Variants in DAB1 observed in about 807,000 individuals in gnomAD.
The protein encoded by DAB1 is disabled homolog 1.
In DAB1, 15 loss-of-function variants were observed where a neutral mutation model predicts 64.6. The ratio of observed to expected loss-of-function variants is 0.23; its 90% CI spans 0.16 to 0.36. The LOEUF is 0.36. Among genes scored for constraint, DAB1 ranks in the 10% least tolerant of loss-of-function variants. The pLI, the probability that DAB1 is intolerant of heterozygous loss-of-function variation, is 1.00. For synonymous variants in DAB1, 235 were observed against 251.9 expected, an observed-to-expected ratio of 0.93 and a Z score of 0.64; for missense variants, 596 against 706.7, an observed-to-expected ratio of 0.84 and a Z score of 1.78.
intron 3 of DAB1, among the ~76,000 whole-genome samples, chr1:58,490,361 A>G (rs1353903940): frequency 1.3e-5 from 2 of 152,236 alleles, no homozygotes; most frequent in Non-Finnish European, 2.9e-5. Context: ...GATGAAATTA[A>G]TGAAATGAAG....
At chr1:57,221,358 G>C (rs1367199628) in intron 2 of DAB1, among the ~76,000 whole-genome samples, 1 of 151,504 alleles carries the variant, frequency 6.6e-6, no homozygotes, top group African/African-American at 2.4e-5. Context: ...TAACAAACTT[G>C]CACGTTGTGC....
intron 1 of DAB1, among the ~76,000 whole-genome samples, chr1:57,317,858 A>T (rs1269999838): frequency 6.6e-6 from 1 of 151,934 alleles, no homozygotes; most frequent in Non-Finnish European, 1.5e-5. Flanking sequence ...CCTCAATGAG[A>T]TTTTATTTTC....
intron 4 of DAB1, among the ~76,000 whole-genome samples, chr1:58,312,027 C>T (rs1662442661): frequency 6.6e-6 from 1 of 152,180 alleles, no homozygotes; most frequent in South Asian, 2.1e-4. Flanking sequence ...CATCTAACCA[C>T]TTCCATGACC....
chr1:57,000,201 G>A (rs911682483), intron 14 of DAB1, among the ~76,000 whole-genome samples: 14 of 151,974 alleles, frequency 9.2e-5, no homozygotes, highest in Admixed American at 3.9e-4. Context: ...CCACCACCAC[G>A]CCCGGCTAAT....
chr1:58,480,060 A>G (rs1645458522), intron 3 of DAB1, among the ~76,000 whole-genome samples: 1 of 152,196 alleles, frequency 6.6e-6, no homozygotes, highest in African/African-American at 2.4e-5. Context: ...GAATACAAAT[A>G]TTAAATAACT....
In DAB1 at chr1:57,246,753, C is replaced by T. The variant is rs1317570211; in HGVS notation, c.67+44211G>A. ...GCTATATCCTGCAGCGCTCCAGGGG[C>T]AGAGCTGCCCAAGGCCATAGGAGCC... On this transcript the variant is annotated intron_variant, in intron 2 of 14. Transcript: ENST00000371236. Among the ~76,000 whole-genome samples, 3 of 152,230 alleles carry T rather than the reference C, an allele frequency of 2.0e-5. No homozygotes were observed. The East Asian group carries it at 5.8e-4, about 29-fold the overall frequency.
intron 3 of DAB1, among the ~76,000 whole-genome samples, chr1:58,426,772 G>C (rs1644825129): frequency 6.6e-6 from 1 of 152,144 alleles, no homozygotes; most frequent in Non-Finnish European, 1.5e-5. Context: ...CTAAAGATCT[G>C]ACAGTGAACA....
chr1:58,494,963 T>C (rs1263302305), intron 3 of DAB1, among the ~76,000 whole-genome samples: 1 of 152,168 alleles, frequency 6.6e-6, no homozygotes, highest in Admixed American at 6.5e-5. Context: ...TAAAGACACA[T>C]GCACACGTAT....
At chr1:58,488,852 C>G (rs1242404398) in intron 3 of DAB1, among the ~76,000 whole-genome samples, 1 of 152,240 alleles carries the variant, frequency 6.6e-6, no homozygotes, top group African/African-American at 2.4e-5. Flanking sequence ...TAGCTTAGCT[C>G]CCACTTATCA....
chr1:58,464,316 G>A (rs1272428327), intron 3 of DAB1, among the ~76,000 whole-genome samples: 1 of 152,192 alleles, frequency 6.6e-6, no homozygotes, highest in Non-Finnish European at 1.5e-5. Flanking sequence ...TATGCCCAGG[G>A]CATGTCAAGG....
chr1:58,062,296 G>T (rs1255998139), intron 5 of DAB1, among the ~76,000 whole-genome samples: 4 of 152,186 alleles, frequency 2.6e-5, no homozygotes, highest in African/African-American at 9.6e-5. Context: ...TACAGGGCTT[G>T]GTAGAGGTCA....
chr1:57,507,228 A>G (rs1644354606), intron 7 of DAB1, among the ~76,000 whole-genome samples: 2 of 152,256 alleles, frequency 1.3e-5, no homozygotes, highest in African/African-American at 4.8e-5. Flanking sequence ...TTCCTATTCC[A>G]GCCAGATTGG....
chr1:58,204,661 T>C (rs779265674), intron 4 of DAB1, among the ~76,000 whole-genome samples: 17 of 152,212 alleles, frequency 1.1e-4, no homozygotes, highest in Non-Finnish European at 2.2e-4. Context: ...AGGTATTTGT[T>C]CATCAATTCA....
intron 3 of DAB1, among the ~76,000 whole-genome samples, chr1:58,365,899 G>A (rs1438246096): frequency 1.3e-5 from 2 of 152,170 alleles, no homozygotes; most frequent in African/African-American, 4.8e-5. Flanking sequence ...GGTATGAAGA[G>A]TGGTCCAAGA....
chr1:58,125,610 T>G (rs1299866201), intron 5 of DAB1, among the ~76,000 whole-genome samples: 1 of 151,916 alleles, frequency 6.6e-6, no homozygotes, highest in Non-Finnish European at 1.5e-5. Flanking sequence ...CTTGGATACT[T>G]TTTAAAAAAA....
chr1:58,463,875 C>G (rs1645268827), intron 3 of DAB1, among the ~76,000 whole-genome samples: 1 of 152,146 alleles, frequency 6.6e-6, no homozygotes, highest in African/African-American at 2.4e-5. Flanking sequence ...TGGGGTTGTC[C>G]ACTGGGACCA....
intron 1 of DAB1, among the ~76,000 whole-genome samples, chr1:57,347,481 A>G (rs572349154): frequency 3.9e-4 from 60 of 152,320 alleles, no homozygotes; most frequent in African/African-American, 1.4e-3. Flanking sequence ...TGCTGCACAA[A>G]TGTATGAGAT....
At chr1:57,867,693 G>A (rs904297580) in intron 1 of DAB1, among the ~76,000 whole-genome samples, 10 of 152,132 alleles carry the variant, frequency 6.6e-5, no homozygotes, top group African/African-American at 2.4e-4. Context: ...TCTAGATAAA[G>A]ACACGGAGGT....
chr1:58,062,804 G>C (rs1360546055), intron 5 of DAB1, among the ~76,000 whole-genome samples: 1 of 152,204 alleles, frequency 6.6e-6, no homozygotes, highest in African/African-American at 2.4e-5. Context: ...TCACACAGAT[G>C]CGTCTGAAGG....
Sources: allele counts gnomAD v4.1 joint callset (sites outside exome capture counted in the v4.1 genomes callset), GRCh38; gene constraint gnomAD v4.1.1; transcripts MANE v1.5; gene names NCBI Gene and HGNC (gene_info 2026-07-23, HGNC 2026-07-21).